Variants in GET4 observed in about 807,000 individuals in gnomAD.
The protein encoded by GET4 is guided entry of tail-anchored proteins factor 4.
GET4 carries 20 observed loss-of-function variants against 40.0 expected under a neutral mutation model. The observed-to-expected ratio is 0.50, with a 90% CI of 0.35 to 0.73. The LOEUF (loss-of-function observed/expected upper bound fraction) is 0.73. GET4 is among the 30% of genes least tolerant of loss of function. The pLI is 0.01. For missense variants in GET4, 557 were observed against 454.0 expected (o/e 1.23, Z -2.06); for synonymous variants, 280 against 194.6 (o/e 1.44, Z -3.65).
chr7:888,444 G>T (rs754067541), intron 4 of GET4, among the ~76,000 whole-genome samples: 1 of 152,224 alleles, frequency 6.6e-6, no homozygotes, highest in African/African-American at 2.4e-5. Flanking sequence ...CAGGAGGCTC[G>T]GCGCCCTCAG....
intron 1 of GET4, among the ~76,000 whole-genome samples, chr7:877,323 C>T (rs1482519904): frequency 7.6e-6 from 1 of 130,978 alleles, no homozygotes; most frequent in Admixed American, 7.6e-5. Context: ...CTCTCCCTGG[C>T]CTCCCCCTGC....
chr7:884,028 A>G, intron 1 of GET4: 1 of 1,152,478 alleles, frequency 8.7e-7, no homozygotes, highest in Non-Finnish European at 1.1e-6. Context: ...GACCATCGGC[A>G]GTGCCCCCCA....
intron 5 of GET4, 43 bp downstream of exon 5, chr7:891,109 C>G (rs753980165): frequency 6.6e-7 from 1 of 1,523,962 alleles, no homozygotes; most frequent in Non-Finnish European, 8.9e-7. Flanking sequence ...CCATTGCTGC[C>G]TTGGCTGGGC....
chr7:883,805 C>G (rs995650741), intron 1 of GET4: 1 of 992,038 alleles, frequency 1.0e-6, no homozygotes, highest in Non-Finnish European at 1.2e-6. Context: ...TTCTCCAGTA[C>G]AGGAGGAGAA....
chr7:877,742 CT>C, intron 1 of GET4, among the ~76,000 whole-genome samples: 1 of 83,588 alleles, frequency 1.2e-5, no homozygotes, highest in Non-Finnish European at 2.5e-5. Flanking sequence ...TCCACCGCCC[CT>C]CCCCCACCTC....
At chr7:887,061 GC>G (rs1297343401) in intron 3 of GET4, 11 of 594,486 alleles carry the variant, frequency 1.9e-5, no homozygotes, top group Non-Finnish European at 2.9e-5. Context: ...TCTGGGAGAT[GC>G]CCCGGGCCAG....
Position 896,282 on chromosome 7 carries a change from G to C in GET4, c.*860G>C, listed in dbSNP as rs374393772. On this transcript the variant is annotated 3_prime_UTR_variant, in exon 9 of 9. Transcript: ENST00000265857. ...ATGTTACCAGAACGATGACAAAAGG[G>C]GAGACGCTCTATTTTTTCACAGTTA... The C allele has an allele frequency of 2.0e-5, 3 of 152,332 alleles. No homozygotes were observed. Among genetic ancestry groups the C allele is most frequent in the East Asian group, 3.9e-4 (2 of 5,188 alleles). The allele number at this position is 152,332 out of a possible 1,614,324, so 9.4% of individuals were successfully genotyped here.
In GET4 at chr7:876,784, CG is replaced by C; in HGVS notation, c.141del (p.Thr48ProfsTer67). The C allele has an allele frequency of 7.8e-7, 1 of 1,277,896 alleles. No individual in the cohort carries two copies. Among genetic ancestry groups the C allele is most frequent in the Non-Finnish European group, 1.0e-6 (1 of 997,438 alleles). The allele number at this position is 1,277,896 out of a possible 1,614,324, so 79.2% of individuals were successfully genotyped here. A position where few individuals can be genotyped will look rare whatever the true frequency, so the allele number is the denominator to read the frequency against. On this transcript the variant is annotated frameshift_variant, in exon 1 of 9. Transcript: ENST00000265857. LOFTEE classifies it high-confidence loss of function. Reference protein sequence around the residue: ...GDYYEAHQMYRTLFFRYMSQS... With the variant: ...GDYYEAHQMYXTLFFRYMSQS... The stretch of plus-strand genomic sequence containing the variant: ...CTACTACGAGGCGCACCAGATGTAC[CG>C]GACCCTGTTCTTCAGGTACCCGCGC...
rs1844180305 is a variant in GET4 at position 886,040 on chromosome 7, C to G, written c.156-16C>G. 1 of 1,544,080 alleles carries G rather than the reference C, an allele frequency of 6.5e-7. No homozygotes were observed. Among genetic ancestry groups the G allele is most frequent in the Non-Finnish European group, 8.9e-7 (1 of 1,117,632 alleles). On this transcript the variant is annotated splice_polypyrimidine_tract_variant and intron_variant, in intron 1 of 8. Coordinates refer to ENST00000265857, the MANE Select transcript of GET4 (RefSeq NM_015949.3). ...AGGGCACGTGGGCGTGGCTCACGGTCTCCTCTCTGTGGCAGGTACATGTCC... is the reference window on the plus strand; with the variant it reads ...AGGGCACGTGGGCGTGGCTCACGGTGTCCTCTCTGTGGCAGGTACATGTCC...
intron 4 of GET4, 149 bp from the exon 5 acceptor site, chr7:890,779 C>T: frequency 3.1e-6 from 2 of 638,552 alleles, no homozygotes; most frequent in Non-Finnish European, 5.6e-6. Context: ...GCTCTGAGTC[C>T]CTATCAGGAC....
rs539240840 is a variant in GET4, at chr7:884,327, A to T, written c.156-1729A>T. ...TCCTCTGAGTCAGTCATGTCCCTGC[A>T]GGACTGGAACTAGGACGGCCGGTCA... On this transcript the variant is annotated intron_variant, in intron 1 of 8. Coordinates refer to ENST00000265857, the MANE Select transcript of GET4 (RefSeq NM_015949.3). 3 of 1,304,104 alleles carry T rather than the reference A, an allele frequency of 2.3e-6. No individual in the cohort carries two copies. The South Asian group carries it at 3.7e-5, about 16-fold the overall frequency. The allele number at this position is 1,304,104 out of a possible 1,614,324, so 80.8% of individuals were successfully genotyped here. A position where few individuals can be genotyped will look rare whatever the true frequency, so the allele number is the denominator to read the frequency against.
chr7:890,811 G>A, intron 4 of GET4, 117 bp from the exon 5 acceptor site: 3 of 797,474 alleles, frequency 3.8e-6, no homozygotes, highest in South Asian at 1.6e-5. Context: ...GGCTCTGGCT[G>A]GGCTCTCCTC....
At chr7:890,838 G>A in intron 4 of GET4, 90 bp from the exon 5 acceptor site, 1 of 1,081,586 alleles carries the variant, frequency 9.2e-7, no homozygotes, top group Admixed American at 1.8e-5. Context: ...GGGCAGGTGG[G>A]CTAGAATTAA....
chr7:884,161 C>T (rs752006733), intron 1 of GET4: 7 of 1,290,614 alleles, frequency 5.4e-6, no homozygotes, highest in East Asian at 5.6e-5. Flanking sequence ...GCTGTAGTAT[C>T]GGCAAAGCAG....
intron 1 of GET4, among the ~76,000 whole-genome samples, chr7:879,123 T>C (rs1844033141): frequency 6.6e-6 from 1 of 152,196 alleles, no homozygotes; most frequent in Non-Finnish European, 1.5e-5. Flanking sequence ...ATTTTAAATA[T>C]TTTCTTTCCA....
At chr7:887,940 CG>C (rs1258853350) in intron 4 of GET4, among the ~76,000 whole-genome samples, 75 of 152,170 alleles carry the variant, frequency 4.9e-4, no homozygotes, top group Non-Finnish European at 7.9e-4. Context: ...TGGCTGTCTG[CG>C]TGGTGTGGTT....
chr7:895,611 C>G lies in GET4; in HGVS notation c.*189C>G, dbSNP rs536015519. The G allele has an allele frequency of 2.2e-6, 1 of 451,738 alleles. No homozygotes were observed. Among genetic ancestry groups the G allele is most frequent in the South Asian group, 3.6e-5 (1 of 28,132 alleles). The allele number at this position is 451,738 out of a possible 1,614,324, so 28.0% of individuals were successfully genotyped here. A position where few individuals can be genotyped will look rare whatever the true frequency, so the allele number is the denominator to read the frequency against. On this transcript the variant is annotated 3_prime_UTR_variant, in exon 9 of 9. Coordinates refer to ENST00000265857, the MANE Select transcript of GET4 (RefSeq NM_015949.3). ...GCTGCTGCTCACTGTGCTGCTGGGA[C>G]CCAAGAGTGGGGCGTCGCCCCTGCT...
chr7:884,447 G>C, intron 1 of GET4: 1 of 1,047,218 alleles, frequency 9.5e-7, no homozygotes, highest in Non-Finnish European at 1.3e-6. Flanking sequence ...AAAACCGGAG[G>C]CCTGCCAACG....
chr7:893,905 G>C lies in GET4; in HGVS notation c.829G>C (p.Asp277His). 6.2e-7 allele frequency: 1 copy of C among 1,610,980 alleles called. No homozygotes were observed. The highest frequency in any genetic ancestry group is 1.1e-5 in the South Asian group (1 of 90,986). ...CGCTGCCTGTGCCTTGCAGTACCTC[G>C]ACCGCATAGGACAGCTGTTCTTCGG... ...RRDPMYNEYLDRIGQLFFGVP... is the reference protein window; with the variant it reads ...RRDPMYNEYLHRIGQLFFGVP... The change falls in exon 8 of 9, where the codon GAC (aspartate) becomes CAC (histidine). Residue 277 changes from aspartate (D) to histidine (H), a missense_variant. Transcript: ENST00000265857.
Sources: allele counts gnomAD v4.1 joint callset (sites outside exome capture counted in the v4.1 genomes callset), GRCh38; gene constraint gnomAD v4.1.1; transcripts MANE v1.5; gene names NCBI Gene and HGNC (gene_info 2026-07-23, HGNC 2026-07-21).